The following FBXL13 variants were observed in gnomAD, a reference collection of about 807,000 sequenced individuals.
The protein encoded by FBXL13 is F-box and leucine rich repeat protein 13, also known as F-box and leucine-rich repeat protein 13.
A neutral mutation model predicts 83.6 loss-of-function variants in FBXL13; 67 were observed. The ratio of observed to expected loss-of-function variants is 0.80; its 90% CI spans 0.66 to 0.98. FBXL13 has a LOEUF of 0.98. Among genes scored for constraint, FBXL13 ranks in the 50% least tolerant of loss-of-function variants. The pLI is 0.00. For synonymous variants in FBXL13, 272 were observed against 299.5 expected (o/e 0.91, Z 0.95); for missense variants, 822 against 866.5 (o/e 0.95, Z 0.64).
At chr7:102,999,183 T>C (rs933603304) in intron 6 of FBXL13, among the ~76,000 whole-genome samples, 13 of 152,216 alleles carry the variant, frequency 8.5e-5, no homozygotes, top group African/African-American at 2.9e-4. Flanking sequence ...GAAATGTTCA[T>C]ACGGTTGTCT....
At chr7:102,825,024 G>A (rs958322760) in intron 18 of FBXL13, among the ~76,000 whole-genome samples, 3 of 152,110 alleles carry the variant, frequency 2.0e-5, no homozygotes, top group Admixed American at 2.0e-4. Flanking sequence ...TTTAGTAGAT[G>A]TAGTTTAGTT....
At chr7:102,905,808 C>T (rs1269892275) in intron 11 of FBXL13, among the ~76,000 whole-genome samples, 1 of 151,776 alleles carries the variant, frequency 6.6e-6, no homozygotes, top group Non-Finnish European at 1.5e-5. Context: ...TTGAAGTTAC[C>T]ATAAGGCTTG....
intron 7 of FBXL13, among the ~76,000 whole-genome samples, chr7:102,964,480 G>T (rs1368986110): frequency 6.7e-6 from 1 of 149,044 alleles, no homozygotes; most frequent in African/African-American, 2.5e-5. Flanking sequence ...TTGGCTCACT[G>T]CAACCTCTGC....
chr7:102,946,605 C>G (rs1324398001), intron 8 of FBXL13, among the ~76,000 whole-genome samples: 1 of 152,062 alleles, frequency 6.6e-6, no homozygotes, highest in South Asian at 2.1e-4. Flanking sequence ...ACTGCCAGAG[C>G]TAACGCTTCA....
intron 7 of FBXL13, among the ~76,000 whole-genome samples, chr7:102,967,703 G>A (rs898352466): frequency 1.3e-5 from 2 of 152,160 alleles, no homozygotes; most frequent in Non-Finnish European, 1.5e-5. Context: ...TCATGAAAAG[G>A]AAGTAGGGAC....
At chr7:103,015,445 G>A (rs1003975424) in intron 6 of FBXL13, among the ~76,000 whole-genome samples, 2 of 152,142 alleles carry the variant, frequency 1.3e-5, no homozygotes, top group Non-Finnish European at 2.9e-5. Context: ...AAACCCCACA[G>A]TCTCTGCCCA....
chr7:102,869,531 C>T (rs951367091), intron 16 of FBXL13, among the ~76,000 whole-genome samples: 1 of 151,872 alleles, frequency 6.6e-6, no homozygotes, highest in Non-Finnish European at 1.5e-5. Flanking sequence ...TTCGAGGTAC[C>T]ATCCAAAAAA....
intron 6 of FBXL13, among the ~76,000 whole-genome samples, chr7:102,979,212 T>A (rs1272132971): frequency 2.0e-5 from 3 of 152,156 alleles, no homozygotes; most frequent in African/African-American, 7.2e-5. Flanking sequence ...CCTGGATTAG[T>A]CAAGATTCCA....
chr7:102,829,254 T>A (rs562006276), intron 18 of FBXL13, among the ~76,000 whole-genome samples: 118 of 152,350 alleles, frequency 7.7e-4, no homozygotes, highest in Non-Finnish European at 1.1e-3. Flanking sequence ...TGTCACTTGC[T>A]GCCTATCTGT....
exon 11 of FBXL13, chr7:102,913,203 G>T: frequency 6.2e-7 from 1 of 1,614,148 alleles, no homozygotes. Flanking sequence ...GATTCTGTAA[G>T]TTGTGGAAGT....
intron 17 of FBXL13, among the ~76,000 whole-genome samples, chr7:102,852,218 T>C (rs1805366524): frequency 6.6e-6 from 1 of 152,158 alleles, no homozygotes; most frequent in Admixed American, 6.6e-5. Context: ...ACTTTGGCTG[T>C]GGAGACCTAA....
At chr7:102,826,769 A>ATATATATATATATATGTATG (rs1414065543) in intron 18 of FBXL13, among the ~76,000 whole-genome samples, 3 of 100,740 alleles carry the variant, frequency 3.0e-5, no homozygotes, top group African/African-American at 1.1e-4. Context: ...ATATATATAT[A>ATATATATATATATATGTATG]TATGTATATA....
chr7:103,027,644 T>C lies in FBXL13; in HGVS notation c.218-86A>G, dbSNP rs924503010. ...CAAAGTGATTTAATAGTCTATCATGTTTATGAGACAATGTCGCATCTGATC... is the reference window on the plus strand; with the variant it reads ...CAAAGTGATTTAATAGTCTATCATGCTTATGAGACAATGTCGCATCTGATC... On this transcript the variant is annotated intron_variant, in intron 4 of 19. Transcript: ENST00000313221. The C allele has an allele frequency of 5.1e-6, 4 of 789,812 alleles. No homozygotes were observed. In the African/African-American group the frequency reaches 5.2e-5, roughly 10 times the overall value. 48.9% of individuals were successfully genotyped at this position (789,812 alleles called of 1,614,324 possible).
At chr7:102,835,651 C>T (rs1801791903) in intron 17 of FBXL13, among the ~76,000 whole-genome samples, 1 of 125,628 alleles carries the variant, frequency 8.0e-6, no homozygotes, top group Non-Finnish European at 1.6e-5. Context: ...GCTCTGTCGC[C>T]CAGGCTGGAG....
In FBXL13 at chr7:103,021,975, A is replaced by G. The variant is rs188637632; in HGVS notation, c.495+3088T>C. Among the ~76,000 whole-genome samples, 605 of 152,334 alleles carry G rather than the reference A, an allele frequency of 4.0e-3. 2 individuals are homozygous for G. The highest frequency in any genetic ancestry group is 6.8e-3 in the Middle Eastern group (2 of 294). On this transcript the variant is annotated intron_variant, in intron 6 of 19. Transcript: ENST00000313221. ...TACCATTTGACCCAGCCATCCCATT[A>G]CTGAGTATATACCCAAAGGATTATA...
intron 16 of FBXL13, among the ~76,000 whole-genome samples, chr7:102,864,027 A>G (rs1166150209): frequency 1.3e-5 from 2 of 151,976 alleles, no homozygotes; most frequent in African/African-American, 4.8e-5. Flanking sequence ...GATCATCCAC[A>G]CTGCCACCAG....
chr7:102,926,122 G>C, intron 10 of FBXL13, 152 bp downstream of exon 11: 1 of 627,508 alleles, frequency 1.6e-6, no homozygotes. Context: ...CCAGCTTAGG[G>C]ACTTGAAAGC....
intron 10 of FBXL13, among the ~76,000 whole-genome samples, chr7:102,920,611 A>G (rs1310081510): frequency 2.0e-5 from 3 of 151,934 alleles, no homozygotes; most frequent in Non-Finnish European, 4.4e-5. Flanking sequence ...TCAGCCTCCC[A>G]AACTGCTGGG....
At chr7:103,020,359 G>A (rs1202444962) in intron 6 of FBXL13, among the ~76,000 whole-genome samples, 1 of 152,120 alleles carries the variant, frequency 6.6e-6, no homozygotes, top group African/African-American at 2.4e-5. Context: ...CAAACCCACA[G>A]CCAATATCAT....
Sources: allele counts gnomAD v4.1 joint callset (sites outside exome capture counted in the v4.1 genomes callset), GRCh38; gene constraint gnomAD v4.1.1; transcripts MANE v1.5; gene names NCBI Gene and HGNC (gene_info 2026-07-23, HGNC 2026-07-21).